TBC1D8: variants seen among roughly 807,000 people sequenced by gnomAD.
TBC1D8 encodes BUB2-like protein 1.
In TBC1D8, 65 loss-of-function variants were observed where a neutral mutation model predicts 118.8. That is an observed-to-expected ratio of 0.55 (90% confidence interval 0.45 to 0.67). The LOEUF (loss-of-function observed/expected upper bound fraction) is 0.67, where lower values mean the gene tolerates loss of function less well. TBC1D8 is among the 30% of genes least tolerant of loss of function. The pLI, the probability that TBC1D8 is intolerant of heterozygous loss-of-function variation, is 0.00. For synonymous variants in TBC1D8, 566 were observed against 595.8 expected (o/e 0.95, Z 0.73); for missense variants, 1,376 against 1,471.2 (o/e 0.94, Z 1.06).
chr2:101,083,718 G>A (rs888743114), intron 2 of TBC1D8, among the ~76,000 whole-genome samples: 15 of 152,154 alleles, frequency 9.9e-5, no homozygotes, highest in Admixed American at 4.6e-4. Context: ...TAAATCATTC[G>A]TGCAGGCCAT....
rs78822378 is a variant in TBC1D8 at position 101,060,348 on chromosome 2, C to T, written c.284-809G>A. On this transcript the variant is annotated intron_variant, in intron 2 of 19. Transcript: ENST00000409318. ...CCAGGGCCAGGGACTGCCACTTGCA[C>T]CCAACATTGCTGCAACACAACAAGC... is the stretch of plus-strand genomic sequence containing the variant. Among the ~76,000 whole-genome samples the T allele has an allele frequency of 4.3e-3, 657 of 152,270 alleles. 10 individuals are homozygous for T. Among genetic ancestry groups the T allele is most frequent in the African/African-American group, 0.015 (634 of 41,538 alleles).
At chr2:101,076,961 G>A (rs530876673) in intron 2 of TBC1D8, among the ~76,000 whole-genome samples, 15 of 152,306 alleles carry the variant, frequency 9.8e-5, no homozygotes, top group Admixed American at 9.2e-4. Flanking sequence ...GAAGGCAAAG[G>A]GGGACATTTC....
Position 101,066,050 on chromosome 2 carries a change from G to A in TBC1D8, c.284-6511C>T, listed in dbSNP as rs114684567. On this transcript the variant is annotated intron_variant, in intron 2 of 19. Coordinates refer to ENST00000409318, the MANE Select transcript of TBC1D8 (RefSeq NM_001330348.2). ...TAATCTCAACACTTTGGGAGGCCGA[G>A]GCAGGCAGATCACCTGATCAGGAGT... Among the ~76,000 whole-genome samples the A allele has an allele frequency of 2.1e-3, 327 of 152,274 alleles. 1 individual carries two copies. The highest frequency in any genetic ancestry group is 6.8e-3 in the Middle Eastern group (2 of 294).
intron 1 of TBC1D8, among the ~76,000 whole-genome samples, chr2:101,134,946 G>A (rs945336791): frequency 4.6e-5 from 7 of 152,236 alleles, no homozygotes; most frequent in African/African-American, 1.7e-4. Flanking sequence ...GGCCGAGGCA[G>A]GTGGATCACA....
intron 1 of TBC1D8, among the ~76,000 whole-genome samples, chr2:101,140,760 CTTTTTTTTTTT>C (rs34909669): frequency 7.6e-6 from 1 of 131,276 alleles, no homozygotes; most frequent in African/African-American, 2.8e-5. Flanking sequence ...TATATTACTA[CTTTTTTTTTTT>C]TTTTTTTTGA....
At chr2:101,105,025 C>CAAAAA (rs4069926) in intron 1 of TBC1D8, among the ~76,000 whole-genome samples, 1 of 115,676 alleles carries the variant, frequency 8.6e-6, no homozygotes, top group Non-Finnish European at 1.7e-5. Flanking sequence ...AACTCTATCT[C>CAAAAA]AAAAAAAAAA....
In TBC1D8 at chr2:101,073,301, T is replaced by TTTTA. The variant is rs1283537177; in HGVS notation, c.284-13763_284-13762insTAAA. On this transcript the variant is annotated intron_variant, in intron 2 of 19. Coordinates refer to ENST00000409318, the MANE Select transcript of TBC1D8 (RefSeq NM_001330348.2). The stretch of plus-strand genomic sequence containing the variant: ...ATTTTATTTTATTTTATTTTATTTA[T>TTTTA]TTTTTTTTTTGGAGATGGAGTCTTG... Among the ~76,000 whole-genome samples, 369 of 107,868 alleles carry TTTTA rather than the reference T, an allele frequency of 3.4e-3. 2 individuals are homozygous for TTTTA. The highest frequency in any genetic ancestry group is 5.4e-3 in the Non-Finnish European group (276 of 51,124). 70.8% of individuals were successfully genotyped at this position (107,868 alleles called of 152,430 possible).
Position 101,029,690 on chromosome 2 carries a change from G to A in TBC1D8, c.2023C>T (p.Leu675=), listed in dbSNP as rs1040072112. The change falls in exon 12 of 20, where the codon CTG becomes TTG. Residue 675 remains leucine (L), a synonymous_variant. Coordinates refer to ENST00000409318, the MANE Select transcript of TBC1D8 (RefSeq NM_001330348.2). The part of the protein sequence containing the change: ...LAEHMNDLSA[L]ASVSLSWFLT... ...AACCACGAGAGAGAGACGGACGCCAGGGCTGAGAGGTCGTTCATGTGCTCT... is the reference window on the plus strand; with the variant it reads ...AACCACGAGAGAGAGACGGACGCCAAGGCTGAGAGGTCGTTCATGTGCTCT... 1 of 1,614,014 alleles carries A rather than the reference G, an allele frequency of 6.2e-7. No individual in the cohort carries two copies.
At chr2:101,091,454 G>A (rs1233358456) in intron 1 of TBC1D8, among the ~76,000 whole-genome samples, 3 of 152,074 alleles carry the variant, frequency 2.0e-5, no homozygotes, top group Non-Finnish European at 2.9e-5. Context: ...AGCTGGGTGC[G>A]GTGGCTCATG....
intron 2 of TBC1D8, among the ~76,000 whole-genome samples, chr2:101,069,561 G>C (rs1172501484): frequency 2.6e-5 from 4 of 152,114 alleles, no homozygotes; most frequent in Non-Finnish European, 5.9e-5. Context: ...ACTCCGGCCT[G>C]GGCAACAAGA....
At chr2:101,012,309 T>A (rs138993506) in intron 17 of TBC1D8, among the ~76,000 whole-genome samples, 1 of 152,218 alleles carries the variant, frequency 6.6e-6, no homozygotes, top group Non-Finnish European at 1.5e-5. Flanking sequence ...AAATGTTGAA[T>A]AAATTGCTGA....
intron 1 of TBC1D8, among the ~76,000 whole-genome samples, chr2:101,101,835 A>C (rs1456705346): frequency 6.6e-6 from 1 of 152,102 alleles, no homozygotes; most frequent in Admixed American, 6.5e-5. Flanking sequence ...CATAAGTGGG[A>C]GTTGAGCAAT....
intron 15 of TBC1D8, chr2:101,023,882 A>G (rs1318184025): frequency 1.2e-5 from 2 of 172,700 alleles, no homozygotes; most frequent in Non-Finnish European, 2.8e-5. Flanking sequence ...CTGCAAGCTC[A>G]TATCCTCAAA....
At chr2:101,121,614 C>T (rs1393551857) in intron 1 of TBC1D8, among the ~76,000 whole-genome samples, 1 of 152,224 alleles carries the variant, frequency 6.6e-6, no homozygotes, top group African/African-American at 2.4e-5. Flanking sequence ...CTTAAGTGCT[C>T]CACCTTCAAG....
intron 2 of TBC1D8, among the ~76,000 whole-genome samples, chr2:101,066,472 A>G (rs2105431346): frequency 6.6e-6 from 1 of 152,306 alleles, no homozygotes; most frequent in East Asian, 1.9e-4. Context: ...TTCTTAAAAA[A>G]ATGGATAAAG....
chr2:101,121,209 AAAGT>A (rs1262974473), intron 1 of TBC1D8, among the ~76,000 whole-genome samples: 2 of 152,242 alleles, frequency 1.3e-5, no homozygotes, highest in Non-Finnish European at 2.9e-5. Context: ...ACAAAAATAT[AAAGT>A]AATATTCTAT....
chr2:101,143,399 A>T (rs1389432228), intron 1 of TBC1D8, among the ~76,000 whole-genome samples: 1 of 152,134 alleles, frequency 6.6e-6, no homozygotes, highest in African/African-American at 2.4e-5. Context: ...AGGAAGCAGG[A>T]AAATAATAAA....
chr2:101,036,065 A>C lies in TBC1D8; in HGVS notation c.1556T>G (p.Met519Arg). ...CCCTCGCAAAGATTCAGGGATGCCC[A>C]TGGCTACGAGCTTCCGAATCTTCTC... The part of the protein sequence containing the change: ...RTEKIRKLVA[M>R]GIPESLRGRL... Residue 519 changes from methionine to arginine, a missense_variant, in exon 9 of 20, where the codon ATG becomes AGG. Physicochemically the swap from Met to Arg is moderately conservative, Grantham distance 91. Transcript: ENST00000409318. 1 of 1,614,038 alleles carries C rather than the reference A, an allele frequency of 6.2e-7. No individual in the cohort carries two copies. Among genetic ancestry groups the C allele is most frequent in the Non-Finnish European group, 8.5e-7 (1 of 1,179,892 alleles).
At chr2:101,046,272 G>A (rs924216055) in intron 5 of TBC1D8, among the ~76,000 whole-genome samples, 7 of 152,196 alleles carry the variant, frequency 4.6e-5, no homozygotes, top group Admixed American at 3.3e-4. Flanking sequence ...CAGCACAGGC[G>A]GTCGGCACGA....
Sources: gnomAD v4.1 joint callset for allele counts (sites outside exome capture counted in the v4.1 genomes callset) on GRCh38, gnomAD v4.1.1 for gene constraint, MANE v1.5 for transcripts, NCBI Gene and HGNC (gene_info 2026-07-23, HGNC 2026-07-21) for gene names.